KCNH7: variants seen among roughly 807,000 people sequenced by gnomAD.
KCNH7 encodes voltage-gated inwardly rectifying potassium channel KCNH7.
In KCNH7, 49 loss-of-function variants were observed where a neutral mutation model predicts 120.8. The observed-to-expected ratio is 0.41, with a 90% CI of 0.32 to 0.51. KCNH7 has a LOEUF of 0.51. Ranked by LOEUF, KCNH7 falls within the 20% of genes least tolerant of loss-of-function variation. KCNH7 has a pLI of 0.38. For missense variants in KCNH7, 1,097 were observed against 1,446.6 expected (o/e 0.76, Z 3.92); for synonymous variants, 547 against 516.1 (o/e 1.06, Z -0.81).
intron 2 of KCNH7, among the ~76,000 whole-genome samples, chr2:162,792,661 A>C (rs1683992349): frequency 7.0e-6 from 1 of 142,840 alleles, no homozygotes; most frequent in African/African-American, 2.6e-5. Context: ...CTTTGCGTTT[A>C]TTTGAATCTT....
chr2:162,475,187 T>C (rs1296680431), intron 6 of KCNH7, among the ~76,000 whole-genome samples: 4 of 152,236 alleles, frequency 2.6e-5, no homozygotes, highest in African/African-American at 9.6e-5. Context: ...ACATGTGGTA[T>C]ACATGTGGCG....
At chr2:162,433,526 A>G (rs533909769) in intron 8 of KCNH7, among the ~76,000 whole-genome samples, 2 of 152,152 alleles carry the variant, frequency 1.3e-5, no homozygotes, top group African/African-American at 2.4e-5. Flanking sequence ...TAAGCAATGT[A>G]TAAAGGACTC....
chr2:162,656,618 C>G (rs1684772857), intron 2 of KCNH7, among the ~76,000 whole-genome samples: 1 of 152,040 alleles, frequency 6.6e-6, no homozygotes, highest in Middle Eastern at 3.4e-3. Flanking sequence ...GAGACTGCAC[C>G]CAGGGTATGT....
chr2:162,538,063 A>G (rs1692172007), intron 2 of KCNH7: 1 of 152,064 alleles, frequency 6.6e-6, no homozygotes, highest in Non-Finnish European at 1.5e-5. Context: ...TTAAGTTACA[A>G]ATAAAGTATT....
At chr2:162,550,732 G>A (rs1179684841) in intron 2 of KCNH7, among the ~76,000 whole-genome samples, 2 of 152,052 alleles carry the variant, frequency 1.3e-5, no homozygotes, top group Non-Finnish European at 2.9e-5. Flanking sequence ...AATCCTGAGT[G>A]ATACAGGATA....
chr2:162,674,954 TATG>T (rs1166481207), intron 2 of KCNH7, among the ~76,000 whole-genome samples: 1 of 151,620 alleles, frequency 6.6e-6, no homozygotes, highest in East Asian at 1.9e-4. Flanking sequence ...TATTGATCAA[TATG>T]ATTCTTATAA....
rs1688197218 is a variant in KCNH7, at chr2:162,435,205, C to T, written c.1947G>A (p.Leu649=). 3.1e-6 allele frequency: 5 copies of T among 1,611,496 alleles called. No individual in the cohort carries two copies. The highest frequency in any genetic ancestry group is 3.4e-6 in the Non-Finnish European group (4 of 1,178,520). ...GAAGAGAAAGCTACTTACAGCCAATCAACATGACACAAATTGAAAAGATTT... is the reference window on the plus strand; with the variant it reads ...GAAGAGAAAGCTACTTACAGCCAATTAACATGACACAAATTGAAAAGATTT... ...SEKIFSICVM[L]IGSLMYASIF... is the part of the protein sequence containing the mutation. Residue 649 remains leucine, a synonymous_variant, in exon 8 of 16, where the codon TTG becomes TTA. Transcript: ENST00000332142.
chr2:162,717,200 T>C (rs1162015598), intron 2 of KCNH7, among the ~76,000 whole-genome samples: 1 of 152,164 alleles, frequency 6.6e-6, no homozygotes, highest in Non-Finnish European at 1.5e-5. Flanking sequence ...ATGTCTCTAC[T>C]CTTTCTTCAC....
chr2:162,400,368 C>A lies in KCNH7; in HGVS notation c.2228G>T (p.Cys743Phe). 1 of 1,612,356 alleles carries A rather than the reference C, an allele frequency of 6.2e-7. No homozygotes were observed. The highest frequency in any genetic ancestry group is 8.5e-7 in the Non-Finnish European group (1 of 1,178,950). ...LHLNQTLLQN[C>F]KAFRGASKGC... ...TTTACTTGCCCCCCGAAAGGCTTTG[C>A]AGTTTTGCAGCAATGTCTGGTTGAG... Residue 743 changes from cysteine to phenylalanine, a missense_variant, in exon 10 of 16, where the codon TGC becomes TTC. Coordinates refer to ENST00000332142, the MANE Select transcript of KCNH7 (RefSeq NM_033272.4).
intron 3 of KCNH7, among the ~76,000 whole-genome samples, chr2:162,520,883 C>T (rs894666944): frequency 6.6e-6 from 1 of 151,900 alleles, no homozygotes; most frequent in African/African-American, 2.4e-5. Context: ...AAAACTCTCT[C>T]CATCCTGCAG....
chr2:162,473,523 G>A (rs541238507), intron 6 of KCNH7, among the ~76,000 whole-genome samples: 2 of 152,230 alleles, frequency 1.3e-5, no homozygotes, highest in South Asian at 4.1e-4. Flanking sequence ...TGAGGTGAGG[G>A]AATGAGTAAG....
At chr2:162,425,676 A>G (rs1405889090) in intron 8 of KCNH7, among the ~76,000 whole-genome samples, 1 of 152,138 alleles carries the variant, frequency 6.6e-6, no homozygotes, top group Non-Finnish European at 1.5e-5. Context: ...TGTTTGTTTT[A>G]CCTAAACCAC....
chr2:162,759,352 G>A (rs1054025172), intron 2 of KCNH7, among the ~76,000 whole-genome samples: 3 of 152,006 alleles, frequency 2.0e-5, no homozygotes, highest in African/African-American at 7.2e-5. Flanking sequence ...TGGTATCATT[G>A]GAGTCTGGGG....
chr2:162,793,545 A>T (rs1342995500), intron 2 of KCNH7, among the ~76,000 whole-genome samples: 2 of 152,084 alleles, frequency 1.3e-5, no homozygotes, highest in African/African-American at 4.8e-5. Flanking sequence ...AAAGATCTAT[A>T]TACTGAAAAC....
At chr2:162,745,347 G>A (rs916875168) in intron 2 of KCNH7, among the ~76,000 whole-genome samples, 3 of 151,842 alleles carry the variant, frequency 2.0e-5, no homozygotes, top group Non-Finnish European at 2.9e-5. Context: ...GTTTTATAAC[G>A]GCAGCTTGAC....
In KCNH7 at chr2:162,671,392, G is replaced by GTTTTT. The variant is rs71410023; in HGVS notation, c.308-134317_308-134313dup. 3.4e-4 allele frequency among the ~76,000 whole-genome samples: 49 copies of GTTTTT among 143,280 alleles called. 1 individual carries two copies. In the East Asian group the frequency reaches 7.7e-3, roughly 23 times the overall value. The allele number at this position is 143,280 out of a possible 152,430, so 94.0% of individuals were successfully genotyped here. A position where few individuals can be genotyped will look rare whatever the true frequency, so the allele number is the denominator to read the frequency against. On this transcript the variant is annotated intron_variant, in intron 2 of 15. Coordinates refer to ENST00000332142, the MANE Select transcript of KCNH7 (RefSeq NM_033272.4). ...TCAGCCATTAAAAAAATGAAATCAT[G>GTTTTT]TTTTTTTTTTTTTGCAGCAACATGC...
At position 162,720,805 on chromosome 2, in the gene KCNH7, G is replaced by A. The variant is rs114845967; in HGVS notation, c.307+115732C>T. 1.6e-3 allele frequency among the ~76,000 whole-genome samples: 240 copies of A among 152,130 alleles called. 1 individual carries two copies. The highest frequency in any genetic ancestry group is 5.5e-3 in the African/African-American group (229 of 41,506). On this transcript the variant is annotated intron_variant, in intron 2 of 15. Coordinates refer to ENST00000332142, the MANE Select transcript of KCNH7 (RefSeq NM_033272.4). ...GTAGAAACCTCACTTGTTTGTCTTCGACATGAGTGACTCCTTTGTTGAGTT... is the reference window on the plus strand; with the variant it reads ...GTAGAAACCTCACTTGTTTGTCTTCAACATGAGTGACTCCTTTGTTGAGTT...
chr2:162,503,508 G>A (rs1301857428), intron 6 of KCNH7, among the ~76,000 whole-genome samples: 1 of 151,934 alleles, frequency 6.6e-6, no homozygotes, highest in African/African-American at 2.4e-5. Context: ...GACTGCACAG[G>A]TTTATTTATA....
chr2:162,481,970 A>G (rs763878674), intron 6 of KCNH7, among the ~76,000 whole-genome samples: 7 of 142,266 alleles, frequency 4.9e-5, no homozygotes, highest in African/African-American at 1.6e-4. Context: ...TCTATCATCT[A>G]TCTATCTATC....
Sources: allele counts gnomAD v4.1 joint callset (sites outside exome capture counted in the v4.1 genomes callset), GRCh38; gene constraint gnomAD v4.1.1; transcripts MANE v1.5; gene names NCBI Gene and HGNC (gene_info 2026-07-23, HGNC 2026-07-21).